F13A1: variants seen among roughly 807,000 people sequenced by gnomAD.
F13A1 encodes coagulation factor XIII A chain, also known as FSF, A subunit.
F13A1 carries 47 observed loss-of-function variants against 80.1 expected under a neutral mutation model. The observed-to-expected ratio is 0.59, with a 90% CI of 0.46 to 0.75. The LOEUF (loss-of-function observed/expected upper bound fraction) is 0.75. Ranked by LOEUF, F13A1 falls within the 30% of genes least tolerant of loss-of-function variation. The pLI, the probability that F13A1 is intolerant of heterozygous loss-of-function variation, is 0.00. For missense variants in F13A1, 817 were observed against 930.4 expected (o/e 0.88, Z 1.59); for synonymous variants, 349 against 344.9 (o/e 1.01, Z -0.13).
intron 11 of F13A1, among the ~76,000 whole-genome samples, chr6:6,179,743 T>C (rs1166471338): frequency 6.6e-6 from 1 of 152,200 alleles, no homozygotes; most frequent in East Asian, 1.9e-4. Context: ...CAACCATCTA[T>C]GTGGATTTAG....
chr6:6,242,326 TA>T (rs1757493902), intron 6 of F13A1, among the ~76,000 whole-genome samples: 1 of 152,202 alleles, frequency 6.6e-6, no homozygotes, highest in Non-Finnish European at 1.5e-5. Flanking sequence ...ATCGATTGGT[TA>T]AAAAAGTTTA....
intron 6 of F13A1, among the ~76,000 whole-genome samples, chr6:6,229,434 A>C (rs1157556357): frequency 1.3e-5 from 2 of 152,204 alleles, no homozygotes; most frequent in Non-Finnish European, 2.9e-5. Flanking sequence ...CATAGAAGAA[A>C]ACTTGAGATA....
intron 8 of F13A1, 73 bp from the exon 9 acceptor site, chr6:6,197,399 G>A (rs1379931317): frequency 1.4e-6 from 2 of 1,428,094 alleles, no homozygotes; most frequent in South Asian, 2.3e-5. Flanking sequence ...AGAAGTGACG[G>A]CCAGGCACAG....
chr6:6,168,846 G>A (rs1484330882), intron 12 of F13A1, among the ~76,000 whole-genome samples: 3 of 152,190 alleles, frequency 2.0e-5, no homozygotes, highest in Non-Finnish European at 2.9e-5. Context: ...GAAGGTGTGG[G>A]TGCATTGAGC....
intron 6 of F13A1, among the ~76,000 whole-genome samples, chr6:6,237,727 G>A (rs1375213156): frequency 1.3e-5 from 2 of 152,160 alleles, no homozygotes; most frequent in African/African-American, 4.8e-5. Flanking sequence ...TCATTGGTTA[G>A]ACTGTCCTTG....
At chr6:6,224,962 G>A in intron 6 of F13A1, 102 bp from the exon 7 acceptor site, 4 of 1,207,220 alleles carry the variant, frequency 3.3e-6, no homozygotes, top group Non-Finnish European at 4.9e-6. Context: ...CCTTCTATAT[G>A]TTGTGCCCAG....
In F13A1 at chr6:6,303,418, T is replaced by C. The variant is rs7760333; in HGVS notation, c.319+1933A>G. Among the ~76,000 whole-genome samples the C allele has an allele frequency of 2.9e-3, 448 of 152,288 alleles. 3 individuals are homozygous for C. Among genetic ancestry groups the C allele is most frequent in the African/African-American group, 0.01 (424 of 41,576 alleles). On this transcript the variant is annotated intron_variant, in intron 3 of 14. Coordinates refer to ENST00000264870, the MANE Select transcript of F13A1 (RefSeq NM_000129.4). The stretch of plus-strand genomic sequence containing the variant: ...AAAAATTGACAATCATAATTGTATA[T>C]GTTTATGGGGTTTTGGGATGTGATG...
At chr6:6,148,611 G>C (rs1374704425) in intron 14 of F13A1, among the ~76,000 whole-genome samples, 1 of 152,246 alleles carries the variant, frequency 6.6e-6, no homozygotes, top group African/African-American at 2.4e-5. Context: ...ATAGGGCACA[G>C]TGGAGTGCTT....
In F13A1 at chr6:6,316,117, A is replaced by G. The variant is rs1430810213; in HGVS notation, c.130+2418T>C. ...TATATATATATATATATATATATAT[A>G]TATATATATATATATATATATATAT... is the stretch of plus-strand genomic sequence containing the variant. On this transcript the variant is annotated intron_variant, in intron 2 of 14. Coordinates refer to ENST00000264870, the MANE Select transcript of F13A1 (RefSeq NM_000129.4). 2.5e-4 allele frequency among the ~76,000 whole-genome samples: 14 copies of G among 56,226 alleles called. 1 individual carries two copies. Among genetic ancestry groups the G allele is most frequent in the Admixed American group, 8.9e-4 (5 of 5,620 alleles). 36.9% of individuals were successfully genotyped at this position (56,226 alleles called of 152,430 possible).
chr6:6,150,858 A>C (rs1189188540), intron 14 of F13A1, among the ~76,000 whole-genome samples: 6 of 152,308 alleles, frequency 3.9e-5, no homozygotes, highest in Non-Finnish European at 5.9e-5. Flanking sequence ...GGAGAGAGAG[A>C]GAGAGAGCTG....
At chr6:6,316,897 C>G (rs962282787) in intron 2 of F13A1, among the ~76,000 whole-genome samples, 1 of 152,192 alleles carries the variant, frequency 6.6e-6, no homozygotes, top group East Asian at 1.9e-4. Flanking sequence ...AGATGTGGAA[C>G]AGGAAGCCAG....
chr6:6,176,148 T>C (rs1760880011), intron 11 of F13A1, among the ~76,000 whole-genome samples: 1 of 150,534 alleles, frequency 6.6e-6, no homozygotes, highest in African/African-American at 2.5e-5. Context: ...AAAACTAGGC[T>C]TGAGAATGGC....
rs1211116724 is a variant in F13A1 at position 6,312,535 on chromosome 6, G to A, written c.130+6000C>T. ...AAAAAAAAAAAAAGAAAAGTTAGCT[G>A]GTCGTGGTGGCACGTGCCTGTAGTC... On this transcript the variant is annotated intron_variant, in intron 2 of 14. Coordinates refer to ENST00000264870, the MANE Select transcript of F13A1 (RefSeq NM_000129.4). Among the ~76,000 whole-genome samples, 5 of 67,612 alleles carry A rather than the reference G, an allele frequency of 7.4e-5. 2 individuals carry two copies. The highest frequency in any genetic ancestry group is 4.1e-4 in the African/African-American group (5 of 12,092). The allele number at this position is 67,612 out of a possible 152,430, so 44.4% of individuals were successfully genotyped here.
At chr6:6,228,885 T>TC (rs1757313136) in intron 6 of F13A1, among the ~76,000 whole-genome samples, 1 of 152,036 alleles carries the variant, frequency 6.6e-6, no homozygotes, top group South Asian at 2.1e-4. Flanking sequence ...GCTGAGCGTA[T>TC]CCCCCAATGG....
At chr6:6,278,776 G>C (rs1025254339) in intron 3 of F13A1, among the ~76,000 whole-genome samples, 1 of 152,180 alleles carries the variant, frequency 6.6e-6, no homozygotes, top group African/African-American at 2.4e-5. Context: ...CATGGAAGAT[G>C]ATGTCAGAGA....
At chr6:6,164,294 C>A (rs1183523686) in intron 13 of F13A1, among the ~76,000 whole-genome samples, 1 of 151,988 alleles carries the variant, frequency 6.6e-6, no homozygotes, top group African/African-American at 2.4e-5. Context: ...GGAGAACTTA[C>A]GAACACACAG....
chr6:6,212,914 G>A (rs1000679382), intron 8 of F13A1, among the ~76,000 whole-genome samples: 1 of 152,206 alleles, frequency 6.6e-6, no homozygotes, highest in Non-Finnish European at 1.5e-5. Flanking sequence ...CGATCAACTG[G>A]AAGAAAGGGT....
chr6:6,241,591 A>C (rs1289648843), intron 6 of F13A1, among the ~76,000 whole-genome samples: 1 of 152,342 alleles, frequency 6.6e-6, no homozygotes, highest in East Asian at 1.9e-4. Context: ...GACAATGCCC[A>C]TTGAGCACCT....
chr6:6,305,454 G>A lies in F13A1; in HGVS notation c.216C>T (p.Asn72=). ...KVDHHTDKYE[N]NKLIVRRGQS... ...GCCCTCTGCGGACAATCAGCTTGTT[G>A]TTTTCATACTTGTCAGTGTGGTGGT... The change falls in exon 3 of 15, where the codon AAC becomes AAT. Residue 72 remains asparagine (N), a synonymous_variant. Transcript: ENST00000264870. The A allele has an allele frequency of 6.2e-7, 1 of 1,614,192 alleles. No homozygotes were observed. Among genetic ancestry groups the A allele is most frequent in the African/African-American group, 1.3e-5 (1 of 75,052 alleles).
Sources: allele counts gnomAD v4.1 joint callset (sites outside exome capture counted in the v4.1 genomes callset), GRCh38; gene constraint gnomAD v4.1.1; transcripts MANE v1.5; gene names NCBI Gene and HGNC (gene_info 2026-07-23, HGNC 2026-07-21).